The following TIAM1 variants were observed in gnomAD, a reference collection of about 807,000 sequenced individuals.
The protein encoded by TIAM1 is TIAM Rac1 associated GEF 1.
TIAM1 carries 65 observed loss-of-function variants against 163.5 expected under a neutral mutation model. The observed-to-expected ratio is 0.40, with a 90% CI of 0.33 to 0.49. TIAM1 has a LOEUF of 0.49. Among genes scored for constraint, TIAM1 ranks in the 20% least tolerant of loss-of-function variants. TIAM1 has a pLI of 0.77. For synonymous variants in TIAM1, 833 were observed against 810.1 expected, an observed-to-expected ratio of 1.03 and a Z score of -0.48; for missense variants, 1,789 against 2,044.7, an observed-to-expected ratio of 0.87 and a Z score of 2.41.
intron 2 of TIAM1, among the ~76,000 whole-genome samples, chr21:31,412,608 C>G (rs1479729105): frequency 6.6e-6 from 1 of 151,584 alleles, no homozygotes; most frequent in Admixed American, 6.6e-5. Flanking sequence ...ATGGTGAAAC[C>G]CCATCTCTAC....
At chr21:31,185,657 A>T (rs1017284141) in intron 14 of TIAM1, among the ~76,000 whole-genome samples, 2 of 146,294 alleles carry the variant, frequency 1.4e-5, no homozygotes, top group African/African-American at 5.0e-5. Context: ...ATATTATAAT[A>T]ATTACAATAT....
chr21:31,243,453 G>A (rs1445634699), intron 6 of TIAM1, among the ~76,000 whole-genome samples: 2 of 151,578 alleles, frequency 1.3e-5, no homozygotes, highest in South Asian at 4.2e-4. Flanking sequence ...CACCAAAGGA[G>A]TGGAGCAAGA....
Position 31,130,896 on chromosome 21 carries a change from C to T in TIAM1, c.3936G>A (p.Lys1312=), listed in dbSNP as rs16987802. 1.8e-3 allele frequency: 2,887 copies of T among 1,613,918 alleles called. 42 individuals carry two copies. In the African/African-American group the frequency reaches 0.035, roughly 19 times the overall value. The stretch of plus-strand genomic sequence containing the variant: ...GTAACATAAGATGTCTTACAAGTTT[C>T]TTCTTCTGTTTGGAACCATCTTTAT... The part of the protein sequence containing the change: ...LVYKDGSKQK[K]KLVGSHRLSI... The change falls in exon 24 of 28, where the codon AAG becomes AAA. Residue 1312 remains lysine (K), a synonymous_variant. Transcript: ENST00000541036.
intron 5 of TIAM1, among the ~76,000 whole-genome samples, chr21:31,250,838 G>A (rs898659474): frequency 3.3e-5 from 5 of 152,180 alleles, no homozygotes; most frequent in Non-Finnish European, 5.9e-5. Context: ...TGTACTTCAC[G>A]AAAATGTGCA....
chr21:31,320,553 G>A (rs2075277106), intron 2 of TIAM1, among the ~76,000 whole-genome samples: 1 of 152,136 alleles, frequency 6.6e-6, no homozygotes, highest in Non-Finnish European at 1.5e-5. Flanking sequence ...TGAGTCTGAG[G>A]TCTCCAAGGC....
chr21:31,222,705 ATATTTTTTTTTTTT>A (rs1224326625), intron 8 of TIAM1, among the ~76,000 whole-genome samples: 522 of 34,880 alleles, frequency 0.015, 2 homozygotes, highest in African/African-American at 0.066. Context: ...ATATATATAT[ATATTTTTTTTTTTT>A]TTTTTTTTTT....
intron 2 of TIAM1, among the ~76,000 whole-genome samples, chr21:31,432,868 G>T (rs971531694): frequency 3.2e-4 from 48 of 152,128 alleles, no homozygotes; most frequent in African/African-American, 1.1e-3. Flanking sequence ...GGTCGCTCCC[G>T]TCAAAGGGGA....
intron 1 of TIAM1, among the ~76,000 whole-genome samples, chr21:31,505,575 T>C (rs910711601): frequency 1.3e-5 from 2 of 152,126 alleles, no homozygotes; most frequent in Admixed American, 6.5e-5. Flanking sequence ...AGAGCACTCA[T>C]TGAGTGTAGA....
intron 10 of TIAM1, among the ~76,000 whole-genome samples, chr21:31,210,586 GA>G (rs746878863): frequency 1.7e-5 from 2 of 116,806 alleles, no homozygotes; most frequent in African/African-American, 8.9e-5. Context: ...AAGAAAGAAA[GA>G]AAGAAAGAGA....
At chr21:31,125,866 T>C (rs1291512008) in intron 26 of TIAM1, among the ~76,000 whole-genome samples, 1 of 152,188 alleles carries the variant, frequency 6.6e-6, no homozygotes, top group African/African-American at 2.4e-5. Flanking sequence ...TGAGCCACCA[T>C]GCCCAGCACC....
chr21:31,315,679 CA>C (rs58560437), intron 2 of TIAM1, among the ~76,000 whole-genome samples: 958 of 80,204 alleles, frequency 0.012, 24 homozygotes, highest in African/African-American at 0.033. Flanking sequence ...AACTCCATCT[CA>C]AAAAAAAAAA....
In TIAM1 at chr21:31,212,392, T is replaced by A. The variant is rs141456360; in HGVS notation, c.2217+1006A>T. ...CAAGAACCAGAGGATCCCACCAAGG[T>A]CACATTATCAACATCAGACCATCCC... On this transcript the variant is annotated intron_variant, in intron 10 of 27. Coordinates refer to ENST00000541036, the MANE Select transcript of TIAM1 (RefSeq NM_001353694.2). Among the ~76,000 whole-genome samples, 39 of 152,044 alleles carry A rather than the reference T, an allele frequency of 2.6e-4. No individual in the cohort carries two copies. In the East Asian group the frequency reaches 7.6e-3, roughly 29 times the overall value.
At chr21:31,318,175 G>T (rs1028437710) in intron 2 of TIAM1, among the ~76,000 whole-genome samples, 8 of 152,208 alleles carry the variant, frequency 5.3e-5, no homozygotes, top group Non-Finnish European at 4.4e-5. Flanking sequence ...TCAGCTCACT[G>T]CAACTTCTGC....
intron 5 of TIAM1, among the ~76,000 whole-genome samples, chr21:31,249,683 C>T (rs948056188): frequency 2.6e-5 from 4 of 152,188 alleles, no homozygotes; most frequent in East Asian, 1.9e-4. Context: ...TCTCCTCTCA[C>T]TCCCCCAGAG....
chr21:31,434,034 G>T (rs1030125876), intron 2 of TIAM1, among the ~76,000 whole-genome samples: 4 of 151,966 alleles, frequency 2.6e-5, no homozygotes, highest in African/African-American at 7.2e-5. Context: ...CTGAGCTCAA[G>T]CGATCCACCC....
chr21:31,221,281 G>A (rs1217424454), intron 8 of TIAM1, among the ~76,000 whole-genome samples: 5 of 152,188 alleles, frequency 3.3e-5, no homozygotes, highest in Admixed American at 1.3e-4. Context: ...ACCCCTCATA[G>A]AAAAGAGAAG....
At chr21:31,318,624 G>A (rs1385529483) in intron 2 of TIAM1, among the ~76,000 whole-genome samples, 5 of 152,294 alleles carry the variant, frequency 3.3e-5, no homozygotes, top group African/African-American at 1.2e-4. Context: ...AGCAAAATCT[G>A]TCAATTTTAT....
At chr21:31,452,286 A>C (rs1406967728) in intron 2 of TIAM1, among the ~76,000 whole-genome samples, 2 of 152,168 alleles carry the variant, frequency 1.3e-5, no homozygotes, top group African/African-American at 4.8e-5. Context: ...AAAAATACAA[A>C]ATGTTGGCCA....
chr21:31,540,412 T>C (rs1313638422), intron 1 of TIAM1, among the ~76,000 whole-genome samples: 6 of 144,064 alleles, frequency 4.2e-5, no homozygotes, highest in Non-Finnish European at 6.0e-5. Context: ...AGGTAGCGAG[T>C]ACAATGGTTA....
Sources: allele counts gnomAD v4.1 joint callset (sites outside exome capture counted in the v4.1 genomes callset), GRCh38; gene constraint gnomAD v4.1.1; transcripts MANE v1.5; gene names NCBI Gene and HGNC (gene_info 2026-07-23, HGNC 2026-07-21).